Variants in FRK observed in about 807,000 individuals in gnomAD.
The protein encoded by FRK is tyrosine-protein kinase FRK.
FRK carries 51 observed loss-of-function variants against 56.4 expected under a neutral mutation model. The ratio of observed to expected loss-of-function variants is 0.90; its 90% CI spans 0.72 to 1.14. The LOEUF (loss-of-function observed/expected upper bound fraction) is 1.14, where lower values mean the gene tolerates loss of function less well. FRK is among the 50% of genes most tolerant of loss of function. FRK has a pLI of 0.00. For missense variants in FRK, 570 were observed against 601.4 expected (o/e 0.95, Z 0.55); for synonymous variants, 245 against 217.9 (o/e 1.12, Z -1.10).
chr6:115,946,841 CAAGT>C (rs1370012806), intron 5 of FRK, among the ~76,000 whole-genome samples: 2 of 151,992 alleles, frequency 1.3e-5, no homozygotes, highest in Admixed American at 1.3e-4. Context: ...TCAAATTCTA[CAAGT>C]AAGTCCATGA....
At position 115,939,426 on chromosome 6, in the gene FRK, C is replaced by G. The variant is rs2114497915; in HGVS notation, c.*2988G>C. Reference sequence around the variant, plus strand: ...ATTCCCTTTGAAAGCTGGCACAAGACAAGGATGCCCCCTCTCACCACTCCT... The same window carrying G: ...ATTCCCTTTGAAAGCTGGCACAAGAGAAGGATGCCCCCTCTCACCACTCCT... On this transcript the variant is annotated 3_prime_UTR_variant, in exon 8 of 8. Coordinates refer to ENST00000606080, the MANE Select transcript of FRK (RefSeq NM_002031.3). 6.6e-6 allele frequency: 1 copy of G among 152,304 alleles called. No individual in the cohort carries two copies. Among genetic ancestry groups the G allele is most frequent in the East Asian group, 1.9e-4 (1 of 5,184 alleles). The allele number at this position is 152,304 out of a possible 1,614,324, so 9.4% of individuals were successfully genotyped here.
chr6:116,002,655 G>A (rs777083140), intron 2 of FRK: 2 of 453,776 alleles, frequency 4.4e-6, no homozygotes, highest in South Asian at 3.1e-5. Context: ...CACATTTCAA[G>A]AGTAACTGTC....
intron 1 of FRK, among the ~76,000 whole-genome samples, chr6:116,004,454 C>T (rs757735575): frequency 2.2e-4 from 33 of 152,082 alleles, no homozygotes; most frequent in African/African-American, 7.2e-5. Flanking sequence ...TGTTAAAGTA[C>T]GAAGGATTAA....
intron 2 of FRK, among the ~76,000 whole-genome samples, chr6:115,981,807 A>AT (rs1303525267): frequency 1.3e-5 from 2 of 152,142 alleles, no homozygotes; most frequent in South Asian, 2.1e-4. Context: ...ACTGTATTTC[A>AT]TTTTTTCACC....
chr6:115,958,988 G>GA lies in FRK; in HGVS notation c.800-2379dup, dbSNP rs1398933124. 9.4e-4 allele frequency among the ~76,000 whole-genome samples: 143 copies of GA among 152,286 alleles called. 2 individuals carry two copies. In the Middle Eastern group the frequency reaches 0.014, roughly 14 times the overall value. On this transcript the variant is annotated intron_variant, in intron 4 of 7. Transcript: ENST00000606080. ...CAAGAACTGAAATCACAGTAGGTCA[G>GA]AAGCCTCTGCAGGTGAAGACTGTTT... is the stretch of plus-strand genomic sequence containing the variant.
the FRK span, among the ~76,000 whole-genome samples, chr6:116,093,015 C>A: frequency 6.6e-6 from 1 of 152,192 alleles, no homozygotes; most frequent in Non-Finnish European, 1.5e-5. Context: ...TACTATCCTG[C>A]AGCTTGACCT....
chr6:116,039,077 A>C, intron 1 of FRK: 1 of 773,172 alleles, frequency 1.3e-6, no homozygotes, highest in South Asian at 1.3e-5. Context: ...AGATAAGCTG[A>C]TTGGGCAGAA....
chr6:116,038,265 T>C (rs1475521761), intron 1 of FRK, among the ~76,000 whole-genome samples: 1 of 152,162 alleles, frequency 6.6e-6, no homozygotes. Context: ...AATTAGTATA[T>C]AGATTAAGAT....
At position 115,936,681 on chromosome 6, in the gene FRK, C is replaced by T. The variant is rs1031775052; in HGVS notation, c.*5733G>A. 6.6e-6 allele frequency: 1 copy of T among 152,134 alleles called. No homozygotes were observed. Among genetic ancestry groups the T allele is most frequent in the Non-Finnish European group, 1.5e-5 (1 of 68,032 alleles). The allele number at this position is 152,134 out of a possible 1,614,324, so 9.4% of individuals were successfully genotyped here. A position where few individuals can be genotyped will look rare whatever the true frequency, so the allele number is the denominator to read the frequency against. On this transcript the variant is annotated 3_prime_UTR_variant, in exon 8 of 8. Transcript: ENST00000606080. ...CAGCATGAGAACTTCATGAAGCATA[C>T]ACAATTATCAATAGCCAAGTCGATA...
intron 1 of FRK, among the ~76,000 whole-genome samples, chr6:116,053,477 T>A (rs1199227261): frequency 6.6e-6 from 1 of 152,158 alleles, no homozygotes; most frequent in African/African-American, 2.4e-5. Flanking sequence ...ACAATCTCAG[T>A]TTGGTGAGAT....
At chr6:116,003,518 G>GA (rs1775140076) in intron 2 of FRK, among the ~76,000 whole-genome samples, 1 of 151,976 alleles carries the variant, frequency 6.6e-6, no homozygotes, top group Admixed American at 6.6e-5. Context: ...GCCAGAAGAA[G>GA]AAAAAAATTA....
chr6:116,077,490 A>G, the FRK span, among the ~76,000 whole-genome samples: 1 of 152,154 alleles, frequency 6.6e-6, no homozygotes, highest in Admixed American at 6.5e-5. Context: ...TCAAATTTGT[A>G]ATTTGATCCT....
intron 2 of FRK, among the ~76,000 whole-genome samples, chr6:115,972,263 C>A (rs1276048639): frequency 6.6e-6 from 1 of 152,156 alleles, no homozygotes; most frequent in Admixed American, 6.5e-5. Flanking sequence ...ACTTATGGTC[C>A]TGAGATAATA....
intron 1 of FRK, among the ~76,000 whole-genome samples, chr6:116,057,144 T>G (rs553461422): frequency 8.7e-4 from 132 of 152,286 alleles, no homozygotes; most frequent in African/African-American, 3.0e-3. Flanking sequence ...ACTGGTCTAA[T>G]TAGGAATTAG....
At chr6:116,005,154 A>G (rs1775203517) in intron 1 of FRK, among the ~76,000 whole-genome samples, 1 of 152,220 alleles carries the variant, frequency 6.6e-6, no homozygotes, top group Non-Finnish European at 1.5e-5. Context: ...ACCTTCTAAC[A>G]AATGCAGGGT....
rs1772076880 is a variant in FRK at position 115,937,696 on chromosome 6, A to C, written c.*4718T>G. ...GCAATCCTAGTCTCTGATAAAACAG[A>C]CTTTAAATCAACAAAGATCAAAAGA... On this transcript the variant is annotated 3_prime_UTR_variant, in exon 8 of 8. Transcript: ENST00000606080. 6.6e-6 allele frequency: 1 copy of C among 152,236 alleles called. No individual in the cohort carries two copies. Among genetic ancestry groups the C allele is most frequent in the Non-Finnish European group, 1.5e-5 (1 of 68,042 alleles). 9.4% of individuals were successfully genotyped at this position (152,236 alleles called of 1,614,324 possible).
chr6:116,060,273 T>A lies in FRK; in HGVS notation c.39A>T (p.Glu13Asp). ...CCGTGGACAAACAGGGGAGATAGGG[T>A]TCTAGGTACTCCCAGAGCCTCTGAC... ...NICQRLWEYL[E>D]PYLPCLSTEA... Residue 13 changes from glutamate (E) to aspartate (D), a missense_variant, in exon 1 of 8, where the codon GAA (glutamate) becomes GAT (aspartate). Glu to Asp is a conservative substitution (Grantham distance 45, BLOSUM62 2). Transcript: ENST00000606080. 1 of 1,613,836 alleles carries A rather than the reference T, an allele frequency of 6.2e-7. No homozygotes were observed. Among genetic ancestry groups the A allele is most frequent in the Non-Finnish European group, 8.5e-7 (1 of 1,179,930 alleles).
intron 2 of FRK, among the ~76,000 whole-genome samples, chr6:115,999,609 A>C (rs1412673569): frequency 6.6e-6 from 1 of 152,226 alleles, no homozygotes; most frequent in Non-Finnish European, 1.5e-5. Context: ...GGAAAGAAAG[A>C]GATAGAAAAG....
chr6:116,027,465 A>G (rs187855705), intron 1 of FRK, among the ~76,000 whole-genome samples: 44 of 152,328 alleles, frequency 2.9e-4, no homozygotes, highest in African/African-American at 1.0e-3. Flanking sequence ...AGAAATTATC[A>G]AAGTACAGTG....
Sources: gnomAD v4.1 joint callset for allele counts (sites outside exome capture counted in the v4.1 genomes callset) on GRCh38, gnomAD v4.1.1 for gene constraint, MANE v1.5 for transcripts, NCBI Gene and HGNC (gene_info 2026-07-23, HGNC 2026-07-21) for gene names.